Variants in ZNF609 observed in about 807,000 individuals in gnomAD.
ZNF609 encodes the protein zinc finger protein 609.
ZNF609 carries 11 observed loss-of-function variants against 109.5 expected under a neutral mutation model. The ratio of observed to expected loss-of-function variants is 0.10; its 90% CI spans 0.06 to 0.17. The LOEUF (loss-of-function observed/expected upper bound fraction) is 0.17. ZNF609 is among the 10% of genes least tolerant of loss of function. The pLI, the probability that ZNF609 is intolerant of heterozygous loss-of-function variation, is 1.00. For synonymous variants in ZNF609, 646 were observed against 662.0 expected, an observed-to-expected ratio of 0.98 and a Z score of 0.37; for missense variants, 1,559 against 1,772.4, an observed-to-expected ratio of 0.88 and a Z score of 2.16.
chr15:64,666,173 C>T lies in ZNF609; in HGVS notation c.974-4173C>T, dbSNP rs138790861. 6.5e-3 allele frequency among the ~76,000 whole-genome samples: 993 copies of T among 151,774 alleles called. 5 individuals carry two copies. The highest frequency in any genetic ancestry group is 0.011 in the Non-Finnish European group (739 of 67,938). On this transcript the variant is annotated intron_variant, in intron 3 of 9. Coordinates refer to ENST00000326648, the MANE Select transcript of ZNF609 (RefSeq NM_015042.2). ...CTTTGGGAGACCAAGTTGGGTGGAT[C>T]GCTTGGGGCCAGGAGTTCAAAACCA...
At chr15:64,505,372 C>G (rs961739830) in intron 2 of ZNF609, among the ~76,000 whole-genome samples, 2 of 152,158 alleles carry the variant, frequency 1.3e-5, no homozygotes, top group Admixed American at 1.3e-4. Context: ...GGACACATCA[C>G]TAATAGGCAG....
chr15:64,668,513 C>A (rs1332412928), intron 3 of ZNF609, among the ~76,000 whole-genome samples: 1 of 152,172 alleles, frequency 6.6e-6, no homozygotes, highest in Non-Finnish European at 1.5e-5. Context: ...CACCTATAAT[C>A]CCAGCACTTT....
chr15:64,545,947 A>G (rs1373509867), intron 2 of ZNF609, among the ~76,000 whole-genome samples: 1 of 152,204 alleles, frequency 6.6e-6, no homozygotes, highest in East Asian at 1.9e-4. Context: ...GCTATTATAA[A>G]TAAAGGTGTG....
At chr15:64,650,149 A>G (rs1203413561) in intron 3 of ZNF609, among the ~76,000 whole-genome samples, 1 of 151,656 alleles carries the variant, frequency 6.6e-6, no homozygotes, top group African/African-American at 2.4e-5. Flanking sequence ...CATGCCTGTA[A>G]TCCTAGCACT....
chr15:64,631,310 T>A, intron 3 of ZNF609: 1 of 681,618 alleles, frequency 1.5e-6, no homozygotes, highest in Non-Finnish European at 2.7e-6. Context: ...GAGTGCTTAA[T>A]GTGCTGAATA....
intron 2 of ZNF609, among the ~76,000 whole-genome samples, chr15:64,563,278 CAT>C (rs771727332): frequency 4.0e-5 from 6 of 151,750 alleles, no homozygotes; most frequent in Non-Finnish European, 8.8e-5. Flanking sequence ...GGTAAAATCC[CAT>C]CTCTACAAAA....
chr15:64,609,090 T>TTC (rs1239284204), intron 2 of ZNF609, among the ~76,000 whole-genome samples: 1 of 33,870 alleles, frequency 3.0e-5, no homozygotes, highest in Admixed American at 4.1e-4. Context: ...CTTTCTTTCT[T>TTC]TCTTTCTTTC....
intron 2 of ZNF609, among the ~76,000 whole-genome samples, chr15:64,536,893 G>A (rs1410466315): frequency 8.8e-6 from 1 of 113,060 alleles, no homozygotes; most frequent in Admixed American, 1.2e-4. Flanking sequence ...CTGGGCGACA[G>A]AGAGAGACCC....
intron 2 of ZNF609, among the ~76,000 whole-genome samples, chr15:64,554,419 T>C (rs1174556351): frequency 6.6e-6 from 1 of 152,110 alleles, no homozygotes; most frequent in East Asian, 1.9e-4. Context: ...GGCAGGCAGA[T>C]TGCTTGAGCC....
chr15:64,646,794 G>T (rs1309601917), intron 3 of ZNF609, among the ~76,000 whole-genome samples: 1 of 151,230 alleles, frequency 6.6e-6, no homozygotes, highest in Non-Finnish European at 1.5e-5. Flanking sequence ...CAAAAAATTA[G>T]CTGGGCATGG....
At chr15:64,641,673 G>A (rs1172110457) in intron 3 of ZNF609, among the ~76,000 whole-genome samples, 1 of 150,966 alleles carries the variant, frequency 6.6e-6, no homozygotes, top group South Asian at 2.1e-4. Context: ...ATTAGAGTTT[G>A]GGAGTGGGAG....
intron 2 of ZNF609, among the ~76,000 whole-genome samples, chr15:64,602,532 G>T (rs1194002683): frequency 6.6e-6 from 1 of 152,024 alleles, no homozygotes; most frequent in Non-Finnish European, 1.5e-5. Flanking sequence ...TCGTTATGAT[G>T]ATTATTATTT....
intron 2 of ZNF609, among the ~76,000 whole-genome samples, chr15:64,549,660 C>T (rs1567011709): frequency 6.6e-6 from 1 of 150,948 alleles, no homozygotes; most frequent in African/African-American, 2.4e-5. Context: ...AGTCTGTACT[C>T]GTGTGTGTGT....
At chr15:64,563,996 G>A (rs1413162666) in intron 2 of ZNF609, among the ~76,000 whole-genome samples, 1 of 151,940 alleles carries the variant, frequency 6.6e-6, no homozygotes, top group African/African-American at 2.4e-5. Context: ...CGATTCTCCT[G>A]CCTTAGCCTC....
intron 2 of ZNF609, among the ~76,000 whole-genome samples, chr15:64,552,040 ATTATTGTGT>A (rs1894489961): frequency 6.7e-6 from 1 of 149,728 alleles, no homozygotes; most frequent in South Asian, 2.1e-4. Context: ...TTGTTTTCTT[ATTATTGTGT>A]TTTGAGAGTT....
At chr15:64,498,865 T>C (rs1490112711) in intron 1 of ZNF609, among the ~76,000 whole-genome samples, 1 of 152,190 alleles carries the variant, frequency 6.6e-6, no homozygotes, top group East Asian at 1.9e-4. Context: ...TGCTAGATCA[T>C]GTTCTGCGTC....
At chr15:64,533,312 A>G (rs1894088950) in intron 2 of ZNF609, among the ~76,000 whole-genome samples, 1 of 152,138 alleles carries the variant, frequency 6.6e-6, no homozygotes. Context: ...CAGCCCTCCC[A>G]AAGTACTGGG....
intron 3 of ZNF609, among the ~76,000 whole-genome samples, chr15:64,667,118 G>A (rs1362011877): frequency 5.3e-5 from 8 of 152,140 alleles, no homozygotes; most frequent in South Asian, 2.1e-4. Flanking sequence ...GCGACAGAGC[G>A]AGACTCTGTC....
At chr15:64,467,307 T>G (rs986722424) in intron 1 of ZNF609, among the ~76,000 whole-genome samples, 3 of 152,236 alleles carry the variant, frequency 2.0e-5, no homozygotes, top group Non-Finnish European at 4.4e-5. Context: ...GTTTTTTTCT[T>G]TTTTAATTCC....
Sources: allele counts gnomAD v4.1 joint callset (sites outside exome capture counted in the v4.1 genomes callset), GRCh38; gene constraint gnomAD v4.1.1; transcripts MANE v1.5; gene names NCBI Gene and HGNC (gene_info 2026-07-23, HGNC 2026-07-21).